The following AFF3 variants were observed in gnomAD, a reference collection of about 807,000 sequenced individuals.
The protein encoded by AFF3 is AF4/FMR2 family member 3.
A neutral mutation model predicts 129.7 loss-of-function variants in AFF3; 32 were observed. The observed-to-expected ratio is 0.25, with a 90% CI of 0.19 to 0.33. AFF3 has a LOEUF of 0.33. Ranked by LOEUF, AFF3 falls within the 10% of genes least tolerant of loss-of-function variation. The pLI is 1.00. For missense variants in AFF3, 1,373 were observed against 1,592.0 expected (o/e 0.86, Z 2.34); for synonymous variants, 644 against 635.4 (o/e 1.01, Z -0.20).
chr2:100,136,345 G>A (rs1352289641), intron 1 of AFF3, among the ~76,000 whole-genome samples: 1 of 152,180 alleles, frequency 6.6e-6, no homozygotes, highest in Non-Finnish European at 1.5e-5. Context: ...CACCCAAAAG[G>A]GAGGCCGAGA....
chr2:99,759,215 T>C (rs1468998352), intron 8 of AFF3, among the ~76,000 whole-genome samples: 2 of 151,826 alleles, frequency 1.3e-5, no homozygotes, highest in African/African-American at 4.8e-5. Flanking sequence ...TATAGTTTTA[T>C]GAATATGTAC....
chr2:99,658,571 A>G (rs961214575), intron 12 of AFF3, among the ~76,000 whole-genome samples: 1 of 152,198 alleles, frequency 6.6e-6, no homozygotes, highest in Non-Finnish European at 1.5e-5. Context: ...GCTTGTTTTC[A>G]TAATTTTATA....
intron 8 of AFF3, among the ~76,000 whole-genome samples, chr2:99,789,261 C>G (rs747485332): frequency 6.6e-6 from 1 of 151,864 alleles, no homozygotes; most frequent in Non-Finnish European, 1.5e-5. Context: ...ACAGTGAGAC[C>G]TGTCTCTACA....
intron 13 of AFF3, among the ~76,000 whole-genome samples, chr2:99,604,228 C>A (rs1385501382): frequency 6.6e-6 from 1 of 152,098 alleles, no homozygotes; most frequent in Non-Finnish European, 1.5e-5. Context: ...AACTCAAATG[C>A]CCATCGATGA....
intron 11 of AFF3, among the ~76,000 whole-genome samples, chr2:99,724,271 C>CTTTATTTTTTTTTTTTTT (rs1411290883): frequency 1.5e-5 from 1 of 66,862 alleles, no homozygotes; most frequent in African/African-American, 6.6e-5. Context: ...AATGACCTTT[C>CTTTATTTTTTTTTTTTTT]TTTTTTTTTT....
At position 99,907,982 on chromosome 2, in the gene AFF3, G is replaced by A. The variant is rs748026589; in HGVS notation, c.874-70458C>T. Among the ~76,000 whole-genome samples, 52 of 152,014 alleles carry A rather than the reference G, an allele frequency of 3.4e-4. 1 individual carries two copies. The highest frequency in any genetic ancestry group is 1.9e-3 in the Admixed American group (29 of 15,260). ...GTACTGGCCTATGACCATGGGATGC[G>A]TACAAATTATCTGGTCTTTAACAAA... On this transcript the variant is annotated intron_variant, in intron 7 of 24. Transcript: ENST00000672756.
At chr2:99,755,704 C>G (rs1222450524) in intron 8 of AFF3, among the ~76,000 whole-genome samples, 1 of 152,224 alleles carries the variant, frequency 6.6e-6, no homozygotes, top group African/African-American at 2.4e-5. Context: ...GACTTTAACT[C>G]TGATCTTTGG....
rs1374391531 is a variant in AFF3, at chr2:100,006,947, C to T, written c.558G>A (p.Val186=). Residue 186 remains valine, a synonymous_variant, in exon 7 of 25, where the codon GTG becomes GTA. Coordinates refer to ENST00000672756, the MANE Select transcript of AFF3 (RefSeq NM_001386135.1). ...VGRQQPRAKQ[V]CNVEVGLQTQ... is the part of the protein sequence containing the mutation. ...TCTGAAGGCCCACCTCCACATTGCACACTTGTTTGGCCCGAGGCTGCTGTC... is the reference window on the plus strand; with the variant it reads ...TCTGAAGGCCCACCTCCACATTGCATACTTGTTTGGCCCGAGGCTGCTGTC... 6.2e-7 allele frequency: 1 copy of T among 1,614,154 alleles called. No homozygotes were observed. Among genetic ancestry groups the T allele is most frequent in the South Asian group, 1.1e-5 (1 of 91,074 alleles).
At chr2:99,932,811 G>C (rs1368653782) in intron 7 of AFF3, among the ~76,000 whole-genome samples, 1 of 152,146 alleles carries the variant, frequency 6.6e-6, no homozygotes, top group Non-Finnish European at 1.5e-5. Context: ...GAGGTGGCAA[G>C]GTAAACAGTT....
At chr2:99,957,020 G>C (rs1227412869) in intron 7 of AFF3, among the ~76,000 whole-genome samples, 2 of 152,196 alleles carry the variant, frequency 1.3e-5, no homozygotes, top group Non-Finnish European at 2.9e-5. Context: ...ATAAATCCCA[G>C]GCCTTGTGCT....
In AFF3 at chr2:99,826,874, GCAAGCAGGTCTCTGGAGT is replaced by G. The variant is rs373658755; in HGVS notation, c.921+10585_921+10602del. Among the ~76,000 whole-genome samples the G allele has an allele frequency of 1.6e-3, 250 of 152,262 alleles. 1 individual carries two copies. The Middle Eastern group carries it at 0.02, about 12-fold the overall frequency. On this transcript the variant is annotated intron_variant, in intron 8 of 24. Transcript: ENST00000672756. ...GAGACTAGTGGGAGGCAGAGGGCTG[GCAAGCAGGTCTCTGGAGT>G]CATGTAGGAAAAGGATGGTGGATGA...
At chr2:100,116,102 C>A (rs1039758216) in intron 2 of AFF3, among the ~76,000 whole-genome samples, 1 of 152,098 alleles carries the variant, frequency 6.6e-6, no homozygotes, top group Non-Finnish European at 1.5e-5. Context: ...CTCTCCTAAT[C>A]TCTAATGATG....
chr2:99,891,717 G>A (rs965748136), intron 7 of AFF3, among the ~76,000 whole-genome samples: 3 of 152,214 alleles, frequency 2.0e-5, no homozygotes, highest in Admixed American at 6.5e-5. Flanking sequence ...AAGACACAGA[G>A]GTTCAGAATG....
rs767668131 is a variant in AFF3, at chr2:99,795,806, C to CT, written c.921+41670dup. On this transcript the variant is annotated intron_variant, in intron 8 of 24. Coordinates refer to ENST00000672756, the MANE Select transcript of AFF3 (RefSeq NM_001386135.1). ...GTTGAAACATTAACTTCCTCTAGGT[C>CT]TACACGGTGCTTTGCACCTGATTTG... Among the ~76,000 whole-genome samples, 38 of 152,118 alleles carry CT rather than the reference C, an allele frequency of 2.5e-4. 1 individual carries two copies. Among genetic ancestry groups the CT allele is most frequent in the South Asian group, 1.7e-3 (8 of 4,814 alleles).
At chr2:99,713,416 G>A (rs369316884) in intron 11 of AFF3, among the ~76,000 whole-genome samples, 1 of 149,444 alleles carries the variant, frequency 6.7e-6, no homozygotes, top group Non-Finnish European at 1.5e-5. Context: ...TTACAGGCAC[G>A]TGCCACCACG....
chr2:99,646,390 T>C (rs116460386), intron 13 of AFF3, among the ~76,000 whole-genome samples: 2,061 of 152,290 alleles, frequency 0.014, 53 homozygotes, highest in African/African-American at 0.044. Context: ...CCCAGAATTA[T>C]AGAACTCAGG....
intron 8 of AFF3, among the ~76,000 whole-genome samples, chr2:99,753,580 G>C (rs1215220716): frequency 6.6e-6 from 1 of 152,132 alleles, no homozygotes; most frequent in African/African-American, 2.4e-5. Flanking sequence ...AAGAGCTCTT[G>C]GGAATGGTCG....
At chr2:99,602,741 G>A (rs1575478701) in intron 13 of AFF3, among the ~76,000 whole-genome samples, 2 of 152,190 alleles carry the variant, frequency 1.3e-5, no homozygotes, top group East Asian at 3.9e-4. Flanking sequence ...AGCTTGTGGG[G>A]GTTTACGGTC....
At chr2:99,648,917 A>ACACACACACACACACACTCTCT in intron 13 of AFF3, among the ~76,000 whole-genome samples, 4 of 46,934 alleles carry the variant, frequency 8.5e-5, no homozygotes, top group African/African-American at 1.9e-4. Flanking sequence ...ACACACACAC[A>ACACACACACACACACACTCTCT]CTCTCTCTCT....
Sources: allele counts gnomAD v4.1 joint callset (sites outside exome capture counted in the v4.1 genomes callset), GRCh38; gene constraint gnomAD v4.1.1; transcripts MANE v1.5; gene names NCBI Gene and HGNC (gene_info 2026-07-23, HGNC 2026-07-21).